MICAL2: variants seen among roughly 807,000 people sequenced by gnomAD.
MICAL2 encodes [F-actin]-monooxygenase MICAL2.
MICAL2 carries 77 observed loss-of-function variants against 127.3 expected under a neutral mutation model. That is an observed-to-expected ratio of 0.60 (90% CI 0.50 to 0.73). The LOEUF (loss-of-function observed/expected upper bound fraction) is 0.73. Among genes scored for constraint, MICAL2 ranks in the 30% least tolerant of loss-of-function variants. The pLI is 0.00. For missense variants in MICAL2, 1,351 were observed against 1,434.4 expected, an observed-to-expected ratio of 0.94 and a Z score of 0.94; for synonymous variants, 570 against 551.1, an observed-to-expected ratio of 1.03 and a Z score of -0.48.
intron 15 of MICAL2, among the ~76,000 whole-genome samples, chr11:12,228,532 G>A (rs1229364808): frequency 6.6e-6 from 1 of 152,216 alleles, no homozygotes; most frequent in Non-Finnish European, 1.5e-5. Context: ...CAGTTAGGAA[G>A]ATAGATGCTG....
In MICAL2 at chr11:12,247,936, C is replaced by T. The variant is rs543832832; in HGVS notation, c.2785-1248C>T. On this transcript the variant is annotated intron_variant, in intron 21 of 27. Transcript: ENST00000683283. ...CAGGGGAGCAAGAGGAAGAAAAATG[C>T]ACTTGGAAACTGATGCTTAGTCCTT... 1.6e-3 allele frequency among the ~76,000 whole-genome samples: 245 copies of T among 152,288 alleles called. 3 individuals carry two copies. Among genetic ancestry groups the T allele is most frequent in the African/African-American group, 5.8e-3 (240 of 41,552 alleles).
chr11:12,295,635 A>G (rs949221805), downstream of MICAL2, among the ~76,000 whole-genome samples: 3 of 151,844 alleles, frequency 2.0e-5, no homozygotes, highest in Non-Finnish European at 4.4e-5. Context: ...GACCTCAAGC[A>G]GTCCTCTCAC....
intron 15 of MICAL2, among the ~76,000 whole-genome samples, chr11:12,232,097 G>A (rs1002075503): frequency 1.3e-5 from 2 of 152,228 alleles, no homozygotes; most frequent in African/African-American, 2.4e-5. Flanking sequence ...TGAGCACGAT[G>A]TCTGGCAGGT....
chr11:12,283,477 C>A (rs1035368461), intron 2 of MICAL2, among the ~76,000 whole-genome samples: 1 of 152,050 alleles, frequency 6.6e-6, no homozygotes, highest in Non-Finnish European at 1.5e-5. Context: ...TATATCCATA[C>A]AGCAAAATGT....
At chr11:12,336,954 G>A (rs1156755985) in intron 32 of MICAL2, among the ~76,000 whole-genome samples, 1 of 152,146 alleles carries the variant, frequency 6.6e-6, no homozygotes, top group African/African-American at 2.4e-5. Flanking sequence ...GTATCAGGAT[G>A]ATGCTGGCCT....
intron 24 of MICAL2, among the ~76,000 whole-genome samples, chr11:12,269,004 A>G (rs912130384): frequency 2.7e-5 from 4 of 150,598 alleles, no homozygotes; most frequent in African/African-American, 7.3e-5. Flanking sequence ...TCTCAAAGGA[A>G]AAAAAAAAAT....
At chr11:12,143,412 A>G (rs1852544707) in intron 2 of MICAL2, among the ~76,000 whole-genome samples, 3 of 152,216 alleles carry the variant, frequency 2.0e-5, no homozygotes, top group East Asian at 3.9e-4. Flanking sequence ...GGTGAGATTC[A>G]TTGAAAGAAA....
upstream of MICAL2, among the ~76,000 whole-genome samples, chr11:12,272,208 G>T (rs2134752381): frequency 6.6e-6 from 1 of 152,282 alleles, no homozygotes; most frequent in Admixed American, 6.5e-5. Flanking sequence ...AGCTGAGCTT[G>T]CCTTGGCCAC....
At chr11:12,145,561 G>A (rs1852810749) in intron 2 of MICAL2, among the ~76,000 whole-genome samples, 1 of 152,184 alleles carries the variant, frequency 6.6e-6, no homozygotes, top group South Asian at 2.1e-4. Context: ...GGTCTCCCAG[G>A]AACCTCATGA....
In MICAL2 at chr11:12,116,880, A is replaced by G. The variant is rs76657262; in HGVS notation, c.-149+6154A>G. 8.2e-3 allele frequency: 1,248 copies of G among 152,362 alleles called. 9 individuals carry two copies. The highest frequency in any genetic ancestry group is 0.015 in the Non-Finnish European group (1,006 of 68,046). 9.4% of individuals were successfully genotyped at this position (152,362 alleles called of 1,614,324 possible). On this transcript the variant is annotated intron_variant, in intron 1 of 27. Transcript: ENST00000683283. ...TAAACATCACTACCATCATCACGGGACAAACCGCCCATCTCAGTGGTGTCT... is the reference window on the plus strand; with the variant it reads ...TAAACATCACTACCATCATCACGGGGCAAACCGCCCATCTCAGTGGTGTCT...
chr11:12,209,370 T>A, intron 5 of MICAL2, 127 bp from the exon 6 acceptor site: 1 of 765,854 alleles, frequency 1.3e-6, no homozygotes, highest in Non-Finnish European at 2.3e-6. Context: ...GCCTTTCCCC[T>A]GGAGGCTCTC....
chr11:12,189,342 T>C (rs1218899587), intron 3 of MICAL2, among the ~76,000 whole-genome samples: 1 of 152,212 alleles, frequency 6.6e-6, no homozygotes, highest in African/African-American at 2.4e-5. Flanking sequence ...TGCGAGTACC[T>C]ATGGTCAGAA....
At chr11:12,237,308 G>A (rs959070874) in intron 16 of MICAL2, among the ~76,000 whole-genome samples, 8 of 152,210 alleles carry the variant, frequency 5.3e-5, no homozygotes, top group African/African-American at 1.4e-4. Context: ...TCTTGAAGGT[G>A]CACTTCAGGA....
rs539165669 is a variant in MICAL2, at chr11:12,226,559, T to C, written c.1888+189T>C. On this transcript the variant is annotated intron_variant, in intron 14 of 27. Coordinates refer to ENST00000683283, the MANE Select transcript of MICAL2 (RefSeq NM_001282663.2). ...GCATGTAAGTGGATCTGTATGCCAT[T>C]TACATCTTGAGTTTGGGGTGACAGA... 4.6e-5 allele frequency among the ~76,000 whole-genome samples: 7 copies of C among 152,240 alleles called. No homozygotes were observed. In the East Asian group the frequency reaches 1.4e-3, roughly 29 times the overall value.
intron 2 of MICAL2, among the ~76,000 whole-genome samples, chr11:12,146,147 A>T (rs1160876495): frequency 6.6e-6 from 1 of 152,346 alleles, no homozygotes; most frequent in Non-Finnish European, 1.5e-5. Context: ...TTCAGGACAT[A>T]GGCATGGGCA....
chr11:12,290,987 G>A (rs748441522), downstream of MICAL2, among the ~76,000 whole-genome samples: 3 of 152,198 alleles, frequency 2.0e-5, no homozygotes, highest in South Asian at 4.1e-4. Context: ...CCAGGGGATT[G>A]TGTTGCGCTA....
In MICAL2 at chr11:12,159,252, G is replaced by A. The variant is rs568381819; in HGVS notation, c.-77-2827G>A. Among the ~76,000 whole-genome samples the A allele has an allele frequency of 4.3e-3, 652 of 152,292 alleles. 4 individuals carry two copies. Among genetic ancestry groups the A allele is most frequent in the African/African-American group, 0.015 (618 of 41,558 alleles). ...GAGGGGTGGCCATTGATTGGGGTGC[G>A]GAGGAGACAGCTTCTTCCAGTTTGT... is the stretch of plus-strand genomic sequence containing the variant. On this transcript the variant is annotated intron_variant, in intron 2 of 27. Coordinates refer to ENST00000683283, the MANE Select transcript of MICAL2 (RefSeq NM_001282663.2).
chr11:12,303,085 A>G (rs576407780), intron 29 of MICAL2, among the ~76,000 whole-genome samples: 3 of 152,076 alleles, frequency 2.0e-5, no homozygotes, highest in Non-Finnish European at 4.4e-5. Flanking sequence ...TGTGAGACTC[A>G]CTCACTATCA....
At chr11:12,282,612 A>G (rs536575196) in intron 2 of MICAL2, among the ~76,000 whole-genome samples, 1 of 152,356 alleles carries the variant, frequency 6.6e-6, no homozygotes, top group Admixed American at 6.5e-5. Context: ...TTGAATCATA[A>G]GTTTGATTCT....
Sources: gnomAD v4.1 joint callset for allele counts (sites outside exome capture counted in the v4.1 genomes callset) on GRCh38, gnomAD v4.1.1 for gene constraint, MANE v1.5 for transcripts, NCBI Gene and HGNC (gene_info 2026-07-23, HGNC 2026-07-21) for gene names.